Variants in RORA observed in about 807,000 individuals in gnomAD.
RORA encodes nuclear receptor ROR-alpha.
Under a neutral mutation model 69.5 loss-of-function variants are expected in RORA, and 7 were observed. That is an observed-to-expected ratio of 0.10 (90% CI 0.06 to 0.19). The LOEUF (loss-of-function observed/expected upper bound fraction) is 0.19, where lower values mean the gene tolerates loss of function less well. RORA is among the 10% of genes least tolerant of loss of function. The pLI, the probability that RORA is intolerant of heterozygous loss-of-function variation, is 1.00. For missense variants in RORA, 457 were observed against 663.0 expected, an observed-to-expected ratio of 0.69 and a Z score of 3.41; for synonymous variants, 261 against 240.8, an observed-to-expected ratio of 1.08 and a Z score of -0.78.
At chr15:61,228,585 A>G (rs2092115979) in intron 1 of RORA, among the ~76,000 whole-genome samples, 2 of 142,390 alleles carry the variant, frequency 1.4e-5, no homozygotes, top group South Asian at 4.8e-4. Context: ...TCGGGCAGCC[A>G]GGGCCGAAAC....
intron 2 of RORA, among the ~76,000 whole-genome samples, chr15:60,622,652 C>T (rs751787346): frequency 1.3e-5 from 2 of 152,122 alleles, no homozygotes; most frequent in Non-Finnish European, 2.9e-5. Context: ...AAATACAATA[C>T]CAAGATACCA....
At chr15:60,970,013 CTT>C (rs1169091895) in intron 1 of RORA, among the ~76,000 whole-genome samples, 2 of 152,196 alleles carry the variant, frequency 1.3e-5, no homozygotes, top group Non-Finnish European at 2.9e-5. Context: ...CACTCTCTTT[CTT>C]TCTCTCTCTC....
chr15:60,913,246 G>A (rs75058483), intron 1 of RORA, among the ~76,000 whole-genome samples: 8 of 152,260 alleles, frequency 5.3e-5, no homozygotes, highest in African/African-American at 9.6e-5. Context: ...GGCCCTTGGT[G>A]TGGACATGGA....
At chr15:60,740,484 C>T (rs930452432) in intron 1 of RORA, among the ~76,000 whole-genome samples, 2 of 152,200 alleles carry the variant, frequency 1.3e-5, no homozygotes, top group African/African-American at 4.8e-5. Context: ...AAGGACAATG[C>T]CAGTGAGGCT....
intron 1 of RORA, among the ~76,000 whole-genome samples, chr15:61,208,072 C>CT (rs1201253013): frequency 2.6e-5 from 4 of 152,166 alleles, no homozygotes; most frequent in African/African-American, 9.7e-5. Flanking sequence ...TCGCATTTCT[C>CT]TAAGAGAGAC....
rs746414398 is a variant in RORA at position 60,832,842 on chromosome 15, A to ACTGTGTCT, written c.167-154164_167-154157dup. On this transcript the variant is annotated intron_variant, in intron 1 of 10. Coordinates refer to ENST00000335670, the MANE Select transcript of RORA (RefSeq NM_134261.3). ...TCTCTCCTGCTGTTACCATGCCTAC[A>ACTGTGTCT]CTGTGTCTCCCGCCATCCAGCCTTC... Among the ~76,000 whole-genome samples, 19 of 151,866 alleles carry ACTGTGTCT rather than the reference A, an allele frequency of 1.3e-4. No individual in the cohort carries two copies. In the South Asian group the frequency reaches 2.5e-3, roughly 20 times the overall value.
chr15:60,984,587 C>T (rs8041793), intron 1 of RORA, among the ~76,000 whole-genome samples: 32,321 of 151,864 alleles, frequency 0.21, 3,682 homozygotes, highest in African/African-American at 0.27. Flanking sequence ...AATAATAAGG[C>T]ACTGTCTGTA....
At chr15:60,893,095 G>A (rs1891123708) in intron 1 of RORA, among the ~76,000 whole-genome samples, 1 of 152,172 alleles carries the variant, frequency 6.6e-6, no homozygotes, top group Admixed American at 6.5e-5. Context: ...GCAGGCTGAA[G>A]AGAATCACCA....
At chr15:60,996,994 AG>A (rs1314643719) in intron 1 of RORA, among the ~76,000 whole-genome samples, 1 of 151,946 alleles carries the variant, frequency 6.6e-6, no homozygotes, top group Non-Finnish European at 1.5e-5. Flanking sequence ...TAAAGTCCAC[AG>A]TGGGTCAAAA....
At chr15:60,913,609 G>A (rs1891791495) in intron 1 of RORA, among the ~76,000 whole-genome samples, 1 of 152,206 alleles carries the variant, frequency 6.6e-6, no homozygotes. Flanking sequence ...AAAACAGAAA[G>A]GTGGCCCTAT....
chr15:60,947,927 T>C (rs571575020), intron 1 of RORA, among the ~76,000 whole-genome samples: 2 of 152,252 alleles, frequency 1.3e-5, no homozygotes, highest in South Asian at 4.2e-4. Context: ...AGAAGTGGCA[T>C]TAGTGCTATC....
intron 2 of RORA, among the ~76,000 whole-genome samples, chr15:60,577,581 T>A (rs559907282): frequency 6.7e-6 from 1 of 149,958 alleles, no homozygotes; most frequent in Non-Finnish European, 1.5e-5. Flanking sequence ...GAGGTGGAGG[T>A]TGCAGCAAGC....
At chr15:60,544,087 C>T (rs1029286531) in intron 2 of RORA, among the ~76,000 whole-genome samples, 2 of 152,184 alleles carry the variant, frequency 1.3e-5, no homozygotes, top group African/African-American at 4.8e-5. Context: ...TCACAACTGC[C>T]TGTGCAGTGA....
At chr15:60,743,016 ATTTTTTTT>A (rs33922947) in intron 1 of RORA, among the ~76,000 whole-genome samples, 1 of 105,172 alleles carries the variant, frequency 9.5e-6, no homozygotes, top group African/African-American at 3.6e-5. Flanking sequence ...CATTCATTCT[ATTTTTTTT>A]TTTTTTTTTT....
At chr15:60,540,885 A>G (rs1371911378) in intron 2 of RORA, among the ~76,000 whole-genome samples, 2 of 152,236 alleles carry the variant, frequency 1.3e-5, no homozygotes, top group Non-Finnish European at 2.9e-5. Context: ...CAACATATTT[A>G]TAGTCACAGG....
intron 1 of RORA, among the ~76,000 whole-genome samples, chr15:60,928,810 A>G (rs1299843782): frequency 1.3e-5 from 2 of 152,202 alleles, no homozygotes; most frequent in Non-Finnish European, 1.5e-5. Context: ...AATGCTGGCA[A>G]TAATGCACAG....
intron 1 of RORA, among the ~76,000 whole-genome samples, chr15:61,049,902 G>C (rs996655709): frequency 5.3e-5 from 8 of 152,094 alleles, no homozygotes; most frequent in African/African-American, 1.9e-4. Flanking sequence ...CTAGTGATCT[G>C]CCTGCCTCAG....
intron 1 of RORA, among the ~76,000 whole-genome samples, chr15:61,055,975 A>C (rs1171126277): frequency 1.3e-5 from 2 of 152,206 alleles, no homozygotes; most frequent in African/African-American, 4.8e-5. Context: ...AATTAAATGC[A>C]ATGTCTTAGA....
intron 1 of RORA, among the ~76,000 whole-genome samples, chr15:61,038,373 A>G (rs1896570712): frequency 6.6e-6 from 1 of 152,220 alleles, no homozygotes; most frequent in Non-Finnish European, 1.5e-5. Context: ...TGATCACAAT[A>G]AAACATTGCA....
Sources: gnomAD v4.1 joint callset for allele counts (sites outside exome capture counted in the v4.1 genomes callset) on GRCh38, gnomAD v4.1.1 for gene constraint, MANE v1.5 for transcripts, NCBI Gene and HGNC (gene_info 2026-07-23, HGNC 2026-07-21) for gene names.